INPP5A: variants seen among roughly 807,000 people sequenced by gnomAD.
The protein encoded by INPP5A is inositol polyphosphate-5-phosphatase A.
In INPP5A, 14 loss-of-function variants were observed where a neutral mutation model predicts 65.2. The observed-to-expected ratio is 0.21, with a 90% CI of 0.14 to 0.34. INPP5A has a LOEUF of 0.34. Ranked by LOEUF, INPP5A falls within the 10% of genes least tolerant of loss-of-function variation. The pLI is 1.00. For missense variants in INPP5A, 431 were observed against 545.6 expected (o/e 0.79, Z 2.09); for synonymous variants, 207 against 208.3 (o/e 0.99, Z 0.05).
intron 12 of INPP5A, among the ~76,000 whole-genome samples, chr10:132,769,481 C>T (rs1170959765): frequency 2.6e-5 from 4 of 152,206 alleles, no homozygotes; most frequent in Non-Finnish European, 5.9e-5. Context: ...ACCCAGGATA[C>T]AGCCTCCCGA....
chr10:132,579,863 G>C (rs1314283033), intron 1 of INPP5A, among the ~76,000 whole-genome samples: 1 of 151,918 alleles, frequency 6.6e-6, no homozygotes, highest in Non-Finnish European at 1.5e-5. Context: ...CCTGGTTCTT[G>C]GTGCTCCCCT....
chr10:132,710,433 G>A lies in INPP5A; in HGVS notation c.624G>A (p.Lys208=). The change falls in exon 8 of 16, where the codon AAG becomes AAA. Residue 208 remains lysine, a synonymous_variant. Coordinates refer to ENST00000368594, the MANE Select transcript of INPP5A (RefSeq NM_005539.5). ...CCGTGTACTCGGGAATCCGGCACAA[G>A]GCACTGGGCTACGTGCTGGACAGGT... ...SPSVYSGIRH[K]ALGYVLDRII... 6.2e-7 allele frequency: 1 copy of A among 1,613,924 alleles called. No individual in the cohort carries two copies. Among genetic ancestry groups the A allele is most frequent in the South Asian group, 1.1e-5 (1 of 91,062 alleles).
chr10:132,573,193 C>T (rs1229219827), intron 1 of INPP5A, among the ~76,000 whole-genome samples: 7 of 112,702 alleles, frequency 6.2e-5, no homozygotes, highest in African/African-American at 1.1e-4. Context: ...GTGTACGTGC[C>T]GTGTGAGGTT....
chr10:132,617,871 C>G (rs2072061536), intron 2 of INPP5A, among the ~76,000 whole-genome samples: 1 of 152,256 alleles, frequency 6.6e-6, no homozygotes, highest in Non-Finnish European at 1.5e-5. Context: ...GGGTCATCCA[C>G]AAGTGGGCAG....
intron 11 of INPP5A, among the ~76,000 whole-genome samples, chr10:132,763,606 C>G: frequency 6.6e-6 from 1 of 151,794 alleles, no homozygotes; most frequent in East Asian, 1.9e-4. Flanking sequence ...TGCCTGCATG[C>G]AAACACACAC....
intron 9 of INPP5A, among the ~76,000 whole-genome samples, chr10:132,747,578 CA>C (rs1208970150): frequency 6.6e-6 from 1 of 152,236 alleles, no homozygotes; most frequent in Non-Finnish European, 1.5e-5. Flanking sequence ...GGCACCGGCC[CA>C]GGGGTGTCCT....
intron 7 of INPP5A, among the ~76,000 whole-genome samples, chr10:132,709,034 T>TAA: frequency 6.6e-6 from 1 of 151,830 alleles, no homozygotes. Flanking sequence ...GCCCTAAACT[T>TAA]AGCAGCTTTA....
At chr10:132,610,858 A>G (rs1032836918) in intron 2 of INPP5A, among the ~76,000 whole-genome samples, 1 of 152,400 alleles carries the variant, frequency 6.6e-6, no homozygotes, top group Non-Finnish European at 1.5e-5. Context: ...ATGAGGATGT[A>G]GGCAGATCGC....
chr10:132,655,181 C>T (rs1204027771), intron 4 of INPP5A, among the ~76,000 whole-genome samples: 1 of 152,214 alleles, frequency 6.6e-6, no homozygotes, highest in Non-Finnish European at 1.5e-5. Flanking sequence ...CACCTGAGTG[C>T]CAGGCGGTCT....
intron 1 of INPP5A, among the ~76,000 whole-genome samples, chr10:132,559,594 C>T (rs998800759): frequency 2.0e-5 from 3 of 152,136 alleles, no homozygotes; most frequent in Admixed American, 6.6e-5. Context: ...GTGTGGCCTT[C>T]GCATCGTACT....
intron 1 of INPP5A, among the ~76,000 whole-genome samples, chr10:132,558,941 C>T (rs949139710): frequency 3.9e-5 from 6 of 152,224 alleles, no homozygotes; most frequent in African/African-American, 1.4e-4. Flanking sequence ...GGGAAGTCCT[C>T]TGCTCACGGT....
intron 1 of INPP5A, among the ~76,000 whole-genome samples, chr10:132,582,415 CTTTTTTTT>C: frequency 7.5e-6 from 1 of 132,838 alleles, no homozygotes; most frequent in South Asian, 2.5e-4. Flanking sequence ...TTGTTGATAA[CTTTTTTTT>C]TTTTTTTTTT....
rs2071400554 is a variant in INPP5A, at chr10:132,575,320, G to A, written c.76-32595G>A. Among the ~76,000 whole-genome samples, 2 of 152,162 alleles carry A rather than the reference G, an allele frequency of 1.3e-5. No homozygotes were observed. Among genetic ancestry groups the A allele is most frequent in the African/African-American group, 2.4e-5 (1 of 41,432 alleles). On this transcript the variant is annotated intron_variant, in intron 1 of 15. Transcript: ENST00000368594. This position sits in a 1 kb window ranked among gnomAD's most constrained non-coding sequence, Gnocchi z 5.4. The stretch of plus-strand genomic sequence containing the variant: ...GGAGGGATTGGTCCTCTTACCTGAT[G>A]TGTAGCTCCCAGAAAGGCTTGTGCA...
In INPP5A at chr10:132,718,922, G is replaced by A. The variant is rs1304080870; in HGVS notation, c.648-7899G>A. Among the ~76,000 whole-genome samples, 2 of 149,972 alleles carry A rather than the reference G, an allele frequency of 1.3e-5. 1 individual carries two copies. Among genetic ancestry groups the A allele is most frequent in the Non-Finnish European group, 3.0e-5 (2 of 67,368 alleles). The stretch of plus-strand genomic sequence containing the variant: ...GGACGCCTTAGACGGCTGTCTTGCG[G>A]GTTCTGTGGTACCTGGGTTCTGTCT... On this transcript the variant is annotated intron_variant, in intron 8 of 15. Transcript: ENST00000368594.
At chr10:132,747,548 G>C (rs549549617) in intron 9 of INPP5A, among the ~76,000 whole-genome samples, 1 of 152,362 alleles carries the variant, frequency 6.6e-6, no homozygotes, top group South Asian at 2.1e-4. Flanking sequence ...CGCATGCCCG[G>C]AACCTGCACA....
At chr10:132,664,024 G>T (rs1391484465) in intron 4 of INPP5A, among the ~76,000 whole-genome samples, 1 of 152,336 alleles carries the variant, frequency 6.6e-6, no homozygotes. Context: ...CTGAAAAATT[G>T]TAAAGCTCTT....
intron 9 of INPP5A, among the ~76,000 whole-genome samples, chr10:132,745,323 T>C (rs1323942220): frequency 6.6e-6 from 1 of 152,112 alleles, no homozygotes; most frequent in Non-Finnish European, 1.5e-5. Flanking sequence ...GGAAGGAGGT[T>C]TGTGGCCCCA....
chr10:132,770,055 G>A (rs1042046699), intron 12 of INPP5A, among the ~76,000 whole-genome samples: 5 of 152,190 alleles, frequency 3.3e-5, no homozygotes, highest in Non-Finnish European at 5.9e-5. Context: ...CATTTCTCAC[G>A]AAACCCCATG....
At position 132,608,886 on chromosome 10, in the gene INPP5A, G is replaced by A. The variant is rs191991269; in HGVS notation, c.117+930G>A. Among the ~76,000 whole-genome samples the A allele has an allele frequency of 7.9e-5, 12 of 152,306 alleles. No homozygotes were observed. In the East Asian group the frequency reaches 2.3e-3, roughly 29 times the overall value. On this transcript the variant is annotated intron_variant, in intron 2 of 15. Coordinates refer to ENST00000368594, the MANE Select transcript of INPP5A (RefSeq NM_005539.5). ...GAGGGCATGGGGGTGTGGGACCTGG[G>A]GGGTGGCCCGACCTGGGCCTGAGGT...
Sources: allele counts gnomAD v4.1 joint callset (sites outside exome capture counted in the v4.1 genomes callset), GRCh38; gene constraint gnomAD v4.1.1; non-coding constraint Gnocchi (gnomAD v3.1); transcripts MANE v1.5; gene names NCBI Gene and HGNC (gene_info 2026-07-23, HGNC 2026-07-21).